SLC2A9: variants seen among roughly 807,000 people sequenced by gnomAD.
SLC2A9 encodes the protein solute carrier family 2, facilitated glucose transporter member 9.
A neutral mutation model predicts 50.6 loss-of-function variants in SLC2A9; 39 were observed. That is an observed-to-expected ratio of 0.77 (90% CI 0.60 to 1.01). The LOEUF (loss-of-function observed/expected upper bound fraction) is 1.01, where lower values mean the gene tolerates loss of function less well. Among genes scored for constraint, SLC2A9 ranks in the 50% least tolerant of loss-of-function variants. The pLI is 0.00. For missense variants in SLC2A9, 686 were observed against 677.6 expected (o/e 1.01, Z -0.14); for synonymous variants, 324 against 276.9 (o/e 1.17, Z -1.69).
downstream of SLC2A9, among the ~76,000 whole-genome samples, chr4:9,796,863 C>A (rs932301957): frequency 1.3e-5 from 2 of 152,140 alleles, no homozygotes; most frequent in Non-Finnish European, 2.9e-5. Context: ...GAATGTTTAA[C>A]GCCTCTGCTT....
intron 5 of SLC2A9, among the ~76,000 whole-genome samples, chr4:9,944,726 G>C (rs1259106383): frequency 1.3e-5 from 2 of 152,220 alleles, no homozygotes; most frequent in Non-Finnish European, 2.9e-5. Flanking sequence ...AGCTTAGCCA[G>C]CAGAAGAGTC....
chr4:9,852,708 G>A lies in SLC2A9; in HGVS notation c.1292-17700C>T, dbSNP rs548028230. Among the ~76,000 whole-genome samples, 40 of 152,324 alleles carry A rather than the reference G, an allele frequency of 2.6e-4. No individual in the cohort carries two copies. In the South Asian group the frequency reaches 7.7e-3, roughly 29 times the overall value. On this transcript the variant is annotated intron_variant, in intron 10 of 11. Coordinates refer to ENST00000264784, the MANE Select transcript of SLC2A9 (RefSeq NM_020041.3). Reference sequence around the variant, plus strand: ...TGCCATATAAAAGTTCCTGAAGGGAGTGCTAAATTTGGAAAGGAAAGACCA... The same window carrying A: ...TGCCATATAAAAGTTCCTGAAGGGAATGCTAAATTTGGAAAGGAAAGACCA...
intron 10 of SLC2A9, among the ~76,000 whole-genome samples, chr4:9,839,750 C>G (rs1727719923): frequency 6.6e-6 from 1 of 152,094 alleles, no homozygotes; most frequent in Non-Finnish European, 1.5e-5. Flanking sequence ...ATTACATTTT[C>G]TCACTTATAA....
intron 2 of SLC2A9, among the ~76,000 whole-genome samples, chr4:9,997,423 G>A (rs1431832732): frequency 4.6e-5 from 7 of 152,142 alleles, no homozygotes; most frequent in Admixed American, 4.6e-4. Context: ...ATACCGGGTG[G>A]GCGCAGAGGC....
chr4:9,971,796 G>A (rs1451383198), intron 5 of SLC2A9, among the ~76,000 whole-genome samples: 1 of 152,210 alleles, frequency 6.6e-6, no homozygotes, highest in Admixed American at 6.5e-5. Context: ...ATGAAAGGAA[G>A]ATTCTCATAT....
chr4:9,880,499 T>C, intron 10 of SLC2A9: 1 of 985,262 alleles, frequency 1.0e-6, no homozygotes, highest in Non-Finnish European at 1.2e-6. Context: ...TTGCAAACAC[T>C]TGGAACAGAA....
chr4:9,994,719 C>T (rs976307969), intron 3 of SLC2A9, among the ~76,000 whole-genome samples: 2 of 152,030 alleles, frequency 1.3e-5, no homozygotes, highest in African/African-American at 4.8e-5. Context: ...ACTTGCTGAG[C>T]CACGGCATTC....
chr4:9,862,228 GGT>G (rs1731773108), intron 10 of SLC2A9, among the ~76,000 whole-genome samples: 1 of 152,028 alleles, frequency 6.6e-6, no homozygotes, highest in Non-Finnish European at 1.5e-5. Flanking sequence ...GATGCTTATA[GGT>G]CTGGAGCTTA....
At chr4:9,947,786 G>C (rs905196864) in intron 5 of SLC2A9, among the ~76,000 whole-genome samples, 2 of 152,008 alleles carry the variant, frequency 1.3e-5, no homozygotes, top group South Asian at 2.1e-4. Flanking sequence ...GTAGCCCAGA[G>C]CCTGGCAACA....
chr4:9,985,131 C>T (rs926549174), intron 4 of SLC2A9, among the ~76,000 whole-genome samples: 6 of 152,150 alleles, frequency 3.9e-5, no homozygotes, highest in African/African-American at 1.4e-4. Flanking sequence ...TCCTGTCCTG[C>T]TTTGTTTTCT....
At chr4:10,011,944 C>T (rs1308492997) in intron 2 of SLC2A9, among the ~76,000 whole-genome samples, 3 of 152,216 alleles carry the variant, frequency 2.0e-5, no homozygotes, top group Non-Finnish European at 4.4e-5. Flanking sequence ...TTTTCTAAAA[C>T]CTCTAGCACA....
chr4:9,918,443 G>C (rs367766307), intron 7 of SLC2A9, among the ~76,000 whole-genome samples: 1 of 152,180 alleles, frequency 6.6e-6, no homozygotes, highest in Non-Finnish European at 1.5e-5. Flanking sequence ...TTGTCCCCAT[G>C]GCTGCCTAGG....
At chr4:9,799,700 C>CCCCCCCCA (rs1553813199) in intron 3 of SLC2A9, among the ~76,000 whole-genome samples, 3 of 93,708 alleles carry the variant, frequency 3.2e-5, no homozygotes, top group African/African-American at 7.9e-5. Flanking sequence ...GTACCCCCCC[C>CCCCCCCCA]CCACCCAACT....
intron 8 of SLC2A9, among the ~76,000 whole-genome samples, chr4:9,892,263 T>A (rs967507112): frequency 6.6e-6 from 1 of 152,176 alleles, no homozygotes; most frequent in Non-Finnish European, 1.5e-5. Flanking sequence ...GACCTCTCAG[T>A]CACCTGGGCA....
chr4:9,936,079 T>C (rs778867415), intron 6 of SLC2A9, among the ~76,000 whole-genome samples: 68 of 152,166 alleles, frequency 4.5e-4, no homozygotes, highest in Non-Finnish European at 8.8e-5. Context: ...TTGGAGCCCT[T>C]CTGCCAAAAT....
intron 3 of SLC2A9, among the ~76,000 whole-genome samples, chr4:9,988,703 T>G (rs1757162529): frequency 1.3e-5 from 2 of 152,124 alleles, no homozygotes; most frequent in Non-Finnish European, 2.9e-5. Context: ...TCTCCAATAG[T>G]GTAGAATCTT....
chr4:9,821,617 G>C (rs1724411841), downstream of SLC2A9, among the ~76,000 whole-genome samples: 1 of 151,820 alleles, frequency 6.6e-6, no homozygotes, highest in Non-Finnish European at 1.5e-5. Flanking sequence ...TGCATGCTCT[G>C]CACATGTACC....
intron 10 of SLC2A9, among the ~76,000 whole-genome samples, chr4:9,846,056 A>T (rs1248167647): frequency 6.6e-6 from 1 of 152,206 alleles, no homozygotes; most frequent in East Asian, 1.9e-4. Context: ...TTCTAACTCC[A>T]TTTAACGGTG....
chr4:9,868,064 G>A (rs532937464), intron 10 of SLC2A9, among the ~76,000 whole-genome samples: 52 of 152,328 alleles, frequency 3.4e-4, no homozygotes, highest in Non-Finnish European at 7.1e-4. Flanking sequence ...GTCAGCCTTG[G>A]AGCTGAAAGA....
Sources: allele counts gnomAD v4.1 joint callset (sites outside exome capture counted in the v4.1 genomes callset), GRCh38; gene constraint gnomAD v4.1.1; transcripts MANE v1.5; gene names NCBI Gene and HGNC (gene_info 2026-07-23, HGNC 2026-07-21).